Variants in PCDH11X observed in about 807,000 individuals in gnomAD.
The protein encoded by PCDH11X is protocadherin 11 X-linked, also known as protocadherin-11 X-linked.
PCDH11X carries 18 observed loss-of-function variants against 53.3 expected under a neutral mutation model. The observed-to-expected ratio is 0.34, with a 90% CI of 0.23 to 0.50. PCDH11X has a LOEUF of 0.50. Ranked by LOEUF, PCDH11X falls within the 20% of genes least tolerant of loss-of-function variation. The pLI is 0.98. For synonymous variants in PCDH11X, 279 were observed against 393.3 expected, an observed-to-expected ratio of 0.71 and a Z score of 3.44; for missense variants, 570 against 1,032.4, an observed-to-expected ratio of 0.55 and a Z score of 6.14.
At chrX:91,846,393 G>A (rs1440641837) in intron 5 of PCDH11X, among the ~76,000 whole-genome samples, 4 of 110,383 alleles carry the variant, frequency 3.6e-5, no homozygotes, top group African/African-American at 1.3e-4. Flanking sequence ...CGTGGCGGGC[G>A]GATCACGAGG....
chrX:92,113,147 A>T, intron 6 of PCDH11X: 1 of 842,488 alleles, frequency 1.2e-6, no homozygotes, highest in Non-Finnish European at 1.6e-6. Context: ...AAATGACAAG[A>T]TGTCTATCCC....
At chrX:92,010,402 T>G (rs1002493170) in intron 6 of PCDH11X, among the ~76,000 whole-genome samples, 2 of 110,339 alleles carry the variant, frequency 1.8e-5, no homozygotes, top group Non-Finnish European at 3.8e-5. Context: ...TTAAAATATC[T>G]TTAGTGATTA....
chrX:92,436,951 T>A (rs866430092), intron 9 of PCDH11X, among the ~76,000 whole-genome samples: 14 of 94,600 alleles, frequency 1.5e-4, no homozygotes, highest in African/African-American at 4.9e-4. Context: ...CCTGCACATG[T>A]ATTCCAACCT....
At chrX:92,110,262 CAAAG>C (rs1352821313) in intron 6 of PCDH11X, among the ~76,000 whole-genome samples, 3 of 109,623 alleles carry the variant, frequency 2.7e-5, no homozygotes, top group African/African-American at 1.0e-4. Flanking sequence ...TAGGCTCTTA[CAAAG>C]AAAGAGAAAA....
At chrX:92,489,808 CATAT>C (rs34430167) in intron 10 of PCDH11X, among the ~76,000 whole-genome samples, 3 of 103,525 alleles carry the variant, frequency 2.9e-5, no homozygotes, top group Admixed American at 1.1e-4. Context: ...TATACTTACA[CATAT>C]ATATATATAT....
chrX:92,234,925 G>T (rs2067143547), intron 7 of PCDH11X, among the ~76,000 whole-genome samples: 1 of 110,455 alleles, frequency 9.1e-6, no homozygotes, highest in African/African-American at 3.3e-5. Context: ...AATTGTAAAG[G>T]AAAAATTATC....
rs1482503166 is a variant in PCDH11X, at chrX:92,030,504, C to A, written c.3033+151231C>A. ...TTGTGTTACAAACAATCCAGTTTCA[C>A]TTTACGTTATTTTAAAATGTACTAT... On this transcript the variant is annotated intron_variant, in intron 6 of 10. Coordinates refer to ENST00000682573, the MANE Select transcript of PCDH11X (RefSeq NM_032968.5). Among the ~76,000 whole-genome samples the A allele has an allele frequency of 2.2e-4, 24 of 107,911 alleles. No individual in the cohort carries two copies. The Admixed American group carries it at 2.4e-3, about 11-fold the overall frequency. 93.7% of individuals were successfully genotyped at this position (107,911 alleles called of 115,157 possible). A position where few individuals can be genotyped will look rare whatever the true frequency, so the allele number is the denominator to read the frequency against.
intron 6 of PCDH11X, among the ~76,000 whole-genome samples, chrX:91,986,330 TATTAA>T (rs1423597646): frequency 8.9e-6 from 1 of 112,068 alleles, no homozygotes; most frequent in Non-Finnish European, 1.9e-5. Context: ...GCTAACTTTC[TATTAA>T]ATTATGTATG....
intron 10 of PCDH11X, among the ~76,000 whole-genome samples, chrX:92,581,456 G>C (rs759708884): frequency 1.8e-5 from 2 of 111,438 alleles, no homozygotes; most frequent in Non-Finnish European, 3.8e-5. Flanking sequence ...TTTTATAAGG[G>C]GAAACCTCTT....
At chrX:92,238,855 C>G (rs2067215634) in intron 7 of PCDH11X, among the ~76,000 whole-genome samples, 1 of 111,709 alleles carries the variant, frequency 9.0e-6, no homozygotes, top group Non-Finnish European at 1.9e-5. Context: ...CTGGTAGAGA[C>G]TTACTATCCA....
chrX:91,884,190 CAAAAAAAAAAAA>C (rs34953838), intron 6 of PCDH11X, among the ~76,000 whole-genome samples: 1 of 37,753 alleles, frequency 2.6e-5, no homozygotes, highest in Non-Finnish European at 4.6e-5. Flanking sequence ...GACTCCGTCT[CAAAAAAAAAAAA>C]AAAAAAAAAA....
At chrX:92,412,843 A>G (rs767115448) in intron 9 of PCDH11X, among the ~76,000 whole-genome samples, 1 of 110,065 alleles carries the variant, frequency 9.1e-6, no homozygotes, top group South Asian at 3.8e-4. Flanking sequence ...AAAAGTAAGC[A>G]TATTCATTCT....
At chrX:92,117,840 A>G (rs1270282716) in intron 6 of PCDH11X, among the ~76,000 whole-genome samples, 1 of 111,807 alleles carries the variant, frequency 8.9e-6, no homozygotes, top group African/African-American at 3.3e-5. Flanking sequence ...GAACAACTCA[A>G]TGTTTCTAGC....
At chrX:92,462,158 C>T (rs1401806013) in intron 9 of PCDH11X, among the ~76,000 whole-genome samples, 6 of 111,557 alleles carry the variant, frequency 5.4e-5, no homozygotes, top group African/African-American at 2.0e-4. Context: ...TGAGTTTTAT[C>T]CCTGTTTTAT....
intron 6 of PCDH11X, among the ~76,000 whole-genome samples, chrX:92,134,792 G>A (rs1420680930): frequency 1.8e-5 from 2 of 111,453 alleles, no homozygotes; most frequent in Admixed American, 9.6e-5. Flanking sequence ...GCACTGGGGG[G>A]AATGTAGCAG....
chrX:92,258,373 T>C (rs1240248117), intron 7 of PCDH11X, among the ~76,000 whole-genome samples: 4 of 106,719 alleles, frequency 3.7e-5, no homozygotes, highest in African/African-American at 1.4e-4. Context: ...ATTTCTTTTT[T>C]TTTTTTTTTT....
chrX:92,590,339 T>G (rs112617257), intron 10 of PCDH11X, among the ~76,000 whole-genome samples: 3,116 of 110,670 alleles, frequency 0.028, 81 homozygotes, highest in Middle Eastern at 0.092. Context: ...AAGAAACTCT[T>G]GGGAAGTTAT....
chrX:92,079,895 TCCCC>T (rs1036850542), intron 6 of PCDH11X, among the ~76,000 whole-genome samples: 7 of 111,937 alleles, frequency 6.3e-5, no homozygotes, highest in Non-Finnish European at 1.3e-4. Context: ...TAATGCCCCT[TCCCC>T]AAGGATGTCC....
intron 10 of PCDH11X, among the ~76,000 whole-genome samples, chrX:92,587,507 G>T (rs187169056): frequency 0.02 from 2,143 of 109,079 alleles, 62 homozygotes; most frequent in African/African-American, 0.067. Context: ...TAATCTAAAG[G>T]TTAAAAACAT....
Sources: allele counts gnomAD v4.1 joint callset (sites outside exome capture counted in the v4.1 genomes callset), GRCh38; gene constraint gnomAD v4.1.1; transcripts MANE v1.5; gene names NCBI Gene and HGNC (gene_info 2026-07-23, HGNC 2026-07-21).